Variants in PPP1R11 observed in about 807,000 individuals in gnomAD.
PPP1R11 encodes the protein E3 ubiquitin-protein ligase PPP1R11.
A neutral mutation model predicts 11.3 loss-of-function variants in PPP1R11; 10 were observed. The observed-to-expected ratio is 0.88, with a 90% CI of 0.55 to 1.50. The LOEUF (loss-of-function observed/expected upper bound fraction) is 1.50. Ranked by LOEUF, PPP1R11 falls within the 40% of genes most tolerant of loss-of-function variation. The pLI is 0.00. For synonymous variants in PPP1R11, 56 were observed against 62.3 expected, an observed-to-expected ratio of 0.90 and a Z score of 0.48; for missense variants, 114 against 179.1, an observed-to-expected ratio of 0.64 and a Z score of 2.07.
chr6:30,062,047 A>T (rs1283744490), upstream of PPP1R11: 1 of 1,596,814 alleles, frequency 6.3e-7, no homozygotes, highest in Non-Finnish European at 8.6e-7. Flanking sequence ...AACTGGCTCC[A>T]TAAGGTGGGT....
At chr6:30,063,127 G>C (rs1311801289), upstream of PPP1R11, among the ~76,000 whole-genome samples, 2 of 151,750 alleles carry the variant, frequency 1.3e-5, no homozygotes, top group Non-Finnish European at 2.9e-5. The surrounding 1 kb of genome is among the most constrained non-coding windows in gnomAD (Gnocchi z 4.1). Flanking sequence ...GGGATTTGTT[G>C]GACTTTCTGA....
upstream of PPP1R11, among the ~76,000 whole-genome samples, chr6:30,063,724 C>T (rs1005603451): frequency 2.0e-5 from 3 of 152,014 alleles, no homozygotes; most frequent in African/African-American, 4.8e-5. The surrounding 1 kb of genome is among the most constrained non-coding windows in gnomAD (Gnocchi z 4.1). Context: ...AGGCCTTGGG[C>T]GAGTGCTGTA....
chr6:30,062,195 G>T, upstream of PPP1R11: 1 of 1,569,298 alleles, frequency 6.4e-7, no homozygotes, highest in Non-Finnish European at 8.8e-7. Context: ...ATATGACCAG[G>T]CCTCCCTAAC....
upstream of PPP1R11, chr6:30,067,142 C>T (rs1323550462): frequency 1.4e-5 from 6 of 444,406 alleles, no homozygotes; most frequent in Non-Finnish European, 2.0e-5. Context: ...TCCAGCGACG[C>T]CTGCGCTTTG....
At chr6:30,064,962 C>T (rs1276464139), upstream of PPP1R11, 1 of 363,998 alleles carries the variant, frequency 2.7e-6, no homozygotes, top group Non-Finnish European at 4.9e-6. Context: ...AAATGAGTTT[C>T]CAGAGATATA....
chr6:30,062,763 G>A (rs1192990920), upstream of PPP1R11, among the ~76,000 whole-genome samples: 1 of 117,956 alleles, frequency 8.5e-6, no homozygotes, highest in African/African-American at 3.2e-5. Context: ...GTAGAGATGG[G>A]GTTTCTCTAT....
Position 30,069,239 on chromosome 6 carries a change from C to T in PPP1R11, c.314C>T (p.Pro105Leu), listed in dbSNP as rs775916081. Residue 105 changes from proline to leucine, a missense_variant, in exon 3 of 3, where the codon CCG becomes CTG. Transcript: ENST00000376772. The surrounding 1 kb of genome is among the most constrained non-coding windows in gnomAD (Gnocchi z 6.6). ...RKGRRRATLG[P>L]TPTTPPQPPD... ...GGACGGCGTCGTGCAACCCTAGGAC[C>T]GACCCCCACCACCCCTCCCCAGCCT... The T allele has an allele frequency of 1.7e-5, 28 of 1,612,666 alleles. No homozygotes were observed. The highest frequency in any genetic ancestry group is 1.3e-4 in the African/African-American group (10 of 74,988).
upstream of PPP1R11, among the ~76,000 whole-genome samples, chr6:30,066,245 T>C (rs573092285): frequency 6.6e-6 from 1 of 152,276 alleles, no homozygotes; most frequent in African/African-American, 2.4e-5. Flanking sequence ...TGCCTACCTG[T>C]CAAGCTTCAT....
rs17194055 is a variant in PPP1R11, at chr6:30,069,150, G to A, written c.225G>A (p.Thr75=). 6.0e-5 allele frequency: 96 copies of A among 1,612,624 alleles called. No individual in the cohort carries two copies. In the African/African-American group the frequency reaches 6.5e-4, roughly 11 times the overall value. The change falls in exon 3 of 3, where the codon ACG becomes ACA. Residue 75 remains threonine (T), a synonymous_variant. Transcript: ENST00000376772. The surrounding 1 kb of genome is among the most constrained non-coding windows in gnomAD (Gnocchi z 6.6). ...EKPRAFGESS[T]ESDEEEEEGC... is the part of the protein sequence containing the mutation. ...CTCGGGCCTTTGGCGAGAGCTCCACGGAAAGTGATGAGGAGGAAGAAGAGG... is the reference window on the plus strand; with the variant it reads ...CTCGGGCCTTTGGCGAGAGCTCCACAGAAAGTGATGAGGAGGAAGAAGAGG...
chr6:30,065,372 C>T (rs1765429063), upstream of PPP1R11, among the ~76,000 whole-genome samples: 1 of 152,166 alleles, frequency 6.6e-6, no homozygotes, highest in South Asian at 2.1e-4. This position sits in a 1 kb window ranked among gnomAD's most constrained non-coding sequence, Gnocchi z 5.3. Context: ...CCCTCCTTTT[C>T]CTCCTCCTGA....
chr6:30,062,375 A>G (rs769872721), upstream of PPP1R11: 5 of 1,353,800 alleles, frequency 3.7e-6, no homozygotes, highest in East Asian at 6.9e-5. Flanking sequence ...CTGTTTGCTA[A>G]CTAAACAAAT....
upstream of PPP1R11, among the ~76,000 whole-genome samples, chr6:30,062,974 C>G (rs1407033246): frequency 6.6e-6 from 1 of 151,668 alleles, no homozygotes; most frequent in East Asian, 1.9e-4. Context: ...CAACCGCAGT[C>G]AAGGTAGCTT....
upstream of PPP1R11, chr6:30,062,479 T>G (rs1476334983): frequency 1.8e-6 from 1 of 560,310 alleles, no homozygotes; most frequent in Non-Finnish European, 3.2e-6. Context: ...TTGTAGTTGT[T>G]TTTTATTTTT....
upstream of PPP1R11, chr6:30,062,420 T>C (rs368504853): frequency 2.4e-6 from 2 of 849,342 alleles, no homozygotes; most frequent in Non-Finnish European, 2.0e-6. Context: ...AATGGCCGTT[T>C]CCCTTGGTCC....
At chr6:30,062,279 A>G, upstream of PPP1R11, 1 of 1,613,126 alleles carries the variant, frequency 6.2e-7, no homozygotes. Context: ...CACACCAGAC[A>G]GATGCGTTCA....
At chr6:30,068,927 G>A (rs1382396389) in intron 2 of PPP1R11, among the ~76,000 whole-genome samples, 177 bp from the exon 3 acceptor site, 2 of 152,164 alleles carry the variant, frequency 1.3e-5, no homozygotes, top group African/African-American at 4.8e-5. Context: ...CTTTGAATTC[G>A]TGGCTCTCTA....
chr6:30,062,418 T>C, upstream of PPP1R11: 1 of 877,272 alleles, frequency 1.1e-6, no homozygotes, highest in Non-Finnish European at 1.9e-6. Context: ...GAAATGGCCG[T>C]TTCCCTTGGT....
upstream of PPP1R11, chr6:30,062,265 A>T (rs2127291486): frequency 6.2e-7 from 1 of 1,613,096 alleles, no homozygotes; most frequent in African/African-American, 1.3e-5. Flanking sequence ...AAGGAATGGC[A>T]TACCACACCA....
chr6:30,068,447 G>A (rs1293554006), intron 1 of PPP1R11, 143 bp from the exon 2 acceptor site: 3 of 622,272 alleles, frequency 4.8e-6, no homozygotes, highest in Non-Finnish European at 8.5e-6. Context: ...GACCTGTTCT[G>A]TTTTATCTTC....
Sources: gnomAD v4.1 joint callset for allele counts (sites outside exome capture counted in the v4.1 genomes callset) on GRCh38, gnomAD v4.1.1 for gene constraint, Gnocchi (gnomAD v3.1) non-coding constraint, MANE v1.5 for transcripts, NCBI Gene and HGNC (gene_info 2026-07-23, HGNC 2026-07-21) for gene names.